Variants in ZNF346 observed in about 807,000 individuals in gnomAD.
ZNF346 encodes the protein zinc finger protein 346, also known as double-stranded RNA-binding zinc finger protein JAZ.
In ZNF346, 23 loss-of-function variants were observed where a neutral mutation model predicts 33.7. The ratio of observed to expected loss-of-function variants is 0.68; its 90% confidence interval spans 0.49 to 0.97. The LOEUF is 0.97. ZNF346 is among the 50% of genes least tolerant of loss of function. The pLI, the probability that ZNF346 is intolerant of heterozygous loss-of-function variation, is 0.00. For missense variants in ZNF346, 340 were observed against 371.1 expected, an observed-to-expected ratio of 0.92 and a Z score of 0.69; for synonymous variants, 134 against 142.4, an observed-to-expected ratio of 0.94 and a Z score of 0.42.
In ZNF346 at chr5:177,023,080, G is replaced by T. The variant is rs886436766; in HGVS notation, c.175+167G>T. 10 of 1,430,354 alleles carry T rather than the reference G, an allele frequency of 7.0e-6. No homozygotes were observed. The African/African-American group carries it at 1.4e-4, about 20-fold the overall frequency. The allele number at this position is 1,430,354 out of a possible 1,614,324, so 88.6% of individuals were successfully genotyped here. A position where few individuals can be genotyped will look rare whatever the true frequency, so the allele number is the denominator to read the frequency against. ...CGGGCGCGGGCACCCCAAGAATCGGGCCCCCAGCGCGCTGAGGGTGAAGGG... is the reference window on the plus strand; with the variant it reads ...CGGGCGCGGGCACCCCAAGAATCGGTCCCCCAGCGCGCTGAGGGTGAAGGG... On this transcript the variant is annotated intron_variant, in intron 1 of 6. Coordinates refer to ENST00000358149, the MANE Select transcript of ZNF346 (RefSeq NM_012279.4).
chr5:177,038,364 C>T (rs749008535), intron 1 of ZNF346, among the ~76,000 whole-genome samples: 2 of 150,962 alleles, frequency 1.3e-5, no homozygotes, highest in African/African-American at 4.9e-5. Flanking sequence ...CCTCTTGCCT[C>T]AGCCTGTTGA....
In ZNF346 at chr5:177,036,050, G is replaced by A. The variant is rs146850424; in HGVS notation, c.176-5076G>A. On this transcript the variant is annotated intron_variant, in intron 1 of 6. Transcript: ENST00000358149. ...GGGCCAGGAATTTGGGAAAGGCTTG[G>A]CTGGATAGTTCTGATTCAGGGTCTC... Among the ~76,000 whole-genome samples, 1,384 of 152,054 alleles carry A rather than the reference G, an allele frequency of 9.1e-3. 8 individuals carry two copies. The highest frequency in any genetic ancestry group is 0.025 in the South Asian group (120 of 4,814).
chr5:177,048,809 G>T (rs1275639089), intron 4 of ZNF346, among the ~76,000 whole-genome samples: 2 of 135,864 alleles, frequency 1.5e-5, no homozygotes, highest in East Asian at 4.1e-4. Flanking sequence ...TTTTGAGACA[G>T]AATTTCACTC....
intron 1 of ZNF346, among the ~76,000 whole-genome samples, chr5:177,024,843 C>T (rs1414696894): frequency 6.6e-6 from 1 of 152,214 alleles, no homozygotes; most frequent in African/African-American, 2.4e-5. Flanking sequence ...TGTATAGTGG[C>T]ACTGTTATGA....
Position 177,065,904 on chromosome 5 carries a change from G to A in ZNF346, c.*1305G>A. The A allele has an allele frequency of 6.6e-6, 1 of 150,500 alleles. No individual in the cohort carries two copies. Among genetic ancestry groups the A allele is most frequent in the Non-Finnish European group, 1.5e-5 (1 of 67,730 alleles). 9.3% of individuals were successfully genotyped at this position (150,500 alleles called of 1,614,324 possible). ...TGTTTGTGTGTATGTGTGTGCTTCT[G>A]TGTGTGCCTAATGCTCTGTCTCTTG... is the stretch of plus-strand genomic sequence containing the variant. On this transcript the variant is annotated 3_prime_UTR_variant, in exon 7 of 7. Coordinates refer to ENST00000358149, the MANE Select transcript of ZNF346 (RefSeq NM_012279.4).
chr5:177,075,708 CAG>C (rs762796686), intron 8 of ZNF346, among the ~76,000 whole-genome samples: 2 of 149,938 alleles, frequency 1.3e-5, no homozygotes, highest in African/African-American at 4.9e-5. Context: ...TTTTTTGAGA[CAG>C]AGTTTCTCTC....
intron 6 of ZNF346, 55 bp from the exon 7 acceptor site, chr5:177,064,457 G>C (rs1481992511): frequency 7.2e-7 from 1 of 1,396,510 alleles, no homozygotes; most frequent in Non-Finnish European, 1.0e-6. Context: ...CATTGCAGTA[G>C]GCCAATACAG....
downstream of ZNF346, among the ~76,000 whole-genome samples, chr5:177,068,331 G>A (rs1192604932): frequency 2.8e-5 from 4 of 144,194 alleles, 1 homozygote; most frequent in African/African-American, 8.7e-5. Context: ...AAATCAAAGC[G>A]ATTAGCTAAA....
chr5:177,047,928 C>T (rs1021170772), intron 4 of ZNF346, among the ~76,000 whole-genome samples: 6 of 152,116 alleles, frequency 3.9e-5, no homozygotes, highest in Admixed American at 2.0e-4. Context: ...CATGAGCCAC[C>T]GCACCTGGCC....
chr5:177,061,077 A>T (rs139782565), intron 5 of ZNF346, among the ~76,000 whole-genome samples: 4,042 of 150,652 alleles, frequency 0.027, 77 homozygotes, highest in South Asian at 0.097. Flanking sequence ...GCACCACTGC[A>T]CTCCAGCCTG....
intron 1 of ZNF346, among the ~76,000 whole-genome samples, chr5:177,037,678 T>G (rs948587635): frequency 4.1e-4 from 62 of 152,134 alleles, no homozygotes; most frequent in Non-Finnish European, 5.9e-5. Context: ...AGTCCAAGCT[T>G]CCATCATCTA....
At chr5:177,030,906 A>ATTT (rs760757696) in intron 1 of ZNF346, among the ~76,000 whole-genome samples, 2 of 103,524 alleles carry the variant, frequency 1.9e-5, no homozygotes, top group Non-Finnish European at 4.1e-5. Context: ...GCTTAGTGTA[A>ATTT]TTTTTTTTTT....
chr5:177,033,857 T>A (rs751868334), intron 1 of ZNF346, among the ~76,000 whole-genome samples: 5 of 152,108 alleles, frequency 3.3e-5, no homozygotes, highest in Non-Finnish European at 7.4e-5. Flanking sequence ...CAATTGTAGA[T>A]TCTAAGGTCA....
At chr5:177,041,705 A>AT in intron 2 of ZNF346, 73 bp from the exon 3 acceptor site, 1 of 956,162 alleles carries the variant, frequency 1.0e-6, no homozygotes, top group Non-Finnish European at 1.6e-6. Context: ...TGAAAATCTC[A>AT]TAAGTGTTTT....
intron 5 of ZNF346, among the ~76,000 whole-genome samples, chr5:177,059,827 G>A (rs560316969): frequency 6.6e-6 from 1 of 152,332 alleles, no homozygotes; most frequent in East Asian, 1.9e-4. Context: ...AAACAAGACA[G>A]GTATTGTCTG....
At chr5:177,069,208 G>A (rs1296233206), downstream of ZNF346, among the ~76,000 whole-genome samples, 1 of 123,850 alleles carries the variant, frequency 8.1e-6, no homozygotes, top group Non-Finnish European at 1.5e-5. Flanking sequence ...TGTAATCCCA[G>A]CTCTTTGGGA....
chr5:177,030,315 G>A (rs2149589511), intron 1 of ZNF346, among the ~76,000 whole-genome samples: 1 of 152,086 alleles, frequency 6.6e-6, no homozygotes, highest in Admixed American at 6.5e-5. Flanking sequence ...GATGAGTTCA[G>A]TCCTTTTAAA....
At chr5:177,022,941 G>A in intron 1 of ZNF346, 28 bp downstream of exon 1, 2 of 1,448,570 alleles carry the variant, frequency 1.4e-6, no homozygotes, top group Non-Finnish European at 9.1e-7. Context: ...GAGGCAGAAA[G>A]CCCCTCGCCC....
chr5:177,043,712 C>T (rs1779660651), intron 3 of ZNF346, among the ~76,000 whole-genome samples: 1 of 151,616 alleles, frequency 6.6e-6, no homozygotes, highest in Non-Finnish European at 1.5e-5. Flanking sequence ...TGCAGTGAGC[C>T]GAGATCGTGC....
Sources: allele counts gnomAD v4.1 joint callset (sites outside exome capture counted in the v4.1 genomes callset), GRCh38; gene constraint gnomAD v4.1.1; transcripts MANE v1.5; gene names NCBI Gene and HGNC (gene_info 2026-07-23, HGNC 2026-07-21).